NSMCE1: variants seen among roughly 807,000 people sequenced by gnomAD.
NSMCE1 encodes the protein non-structural maintenance of chromosomes element 1 homolog.
In NSMCE1, 18 loss-of-function variants were observed where a neutral mutation model predicts 29.6. The observed-to-expected ratio is 0.61, with a 90% confidence interval of 0.42 to 0.90. NSMCE1 has a LOEUF of 0.90. NSMCE1 is among the 40% of genes least tolerant of loss of function. NSMCE1 has a pLI of 0.00. For synonymous variants in NSMCE1, 124 were observed against 133.4 expected (o/e 0.93, Z 0.49); for missense variants, 314 against 343.6 (o/e 0.91, Z 0.68).
At chr16:27,242,536 G>C (rs571554521) in intron 2 of NSMCE1, among the ~76,000 whole-genome samples, 1 of 152,286 alleles carries the variant, frequency 6.6e-6, no homozygotes, top group East Asian at 1.9e-4. Flanking sequence ...CACCACTGCA[G>C]GAGTGGTGAT....
chr16:27,258,992 C>T (rs1271001400), intron 1 of NSMCE1, among the ~76,000 whole-genome samples: 1 of 152,054 alleles, frequency 6.6e-6, no homozygotes, highest in African/African-American at 2.4e-5. Flanking sequence ...TCAGGCGATC[C>T]ACCTGCCTCA....
intron 1 of NSMCE1, among the ~76,000 whole-genome samples, chr16:27,266,850 A>T (rs1445692124): frequency 6.6e-6 from 1 of 152,036 alleles, no homozygotes; most frequent in Non-Finnish European, 1.5e-5. Flanking sequence ...CCCTAAATTC[A>T]ATGTTTAGAA....
intron 2 of NSMCE1, among the ~76,000 whole-genome samples, chr16:27,235,607 C>T (rs564501833): frequency 6.6e-4 from 101 of 152,304 alleles, no homozygotes; most frequent in Non-Finnish European, 1.1e-3. Flanking sequence ...GAGTCCCAAT[C>T]AGCACCTTCA....
intron 1 of NSMCE1, among the ~76,000 whole-genome samples, chr16:27,257,904 T>C (rs996635657): frequency 6.6e-6 from 1 of 152,180 alleles, no homozygotes; most frequent in Non-Finnish European, 1.5e-5. Context: ...AGAAACGTCC[T>C]CTGCAGAACT....
intron 2 of NSMCE1, among the ~76,000 whole-genome samples, chr16:27,255,646 C>T (rs1044199808): frequency 1.3e-5 from 2 of 152,182 alleles, no homozygotes; most frequent in African/African-American, 2.4e-5. Context: ...TGCTACTCTC[C>T]AGACACTTCA....
At chr16:27,251,207 T>TA (rs58691360) in intron 2 of NSMCE1, among the ~76,000 whole-genome samples, 6 of 70,766 alleles carry the variant, frequency 8.5e-5, no homozygotes, top group Non-Finnish European at 1.5e-4. Flanking sequence ...TATATATATA[T>TA]AAAACTCTGT....
intron 1 of NSMCE1, among the ~76,000 whole-genome samples, chr16:27,258,418 A>C (rs995110168): frequency 1.3e-5 from 2 of 152,262 alleles, no homozygotes; most frequent in Non-Finnish European, 2.9e-5. Flanking sequence ...CCTAATGTGC[A>C]TTTTAACAAT....
At chr16:27,256,155 C>G (rs1291173942) in intron 2 of NSMCE1, among the ~76,000 whole-genome samples, 1 of 152,132 alleles carries the variant, frequency 6.6e-6, no homozygotes, top group Non-Finnish European at 1.5e-5. Flanking sequence ...GCTTGGCTCA[C>G]TTCTATGTCA....
chr16:27,251,727 A>C (rs944897653), intron 2 of NSMCE1, among the ~76,000 whole-genome samples: 7 of 152,204 alleles, frequency 4.6e-5, no homozygotes, highest in Non-Finnish European at 1.0e-4. Flanking sequence ...CACTATTCCC[A>C]GTTCTGTGAA....
intron 2 of NSMCE1, among the ~76,000 whole-genome samples, chr16:27,255,686 C>G (rs577469578): frequency 1.3e-5 from 2 of 152,310 alleles, no homozygotes; most frequent in South Asian, 4.1e-4. Context: ...AACACGCCAC[C>G]TTCTTTTATT....
intron 2 of NSMCE1, among the ~76,000 whole-genome samples, chr16:27,245,568 T>C (rs1048995483): frequency 6.6e-6 from 1 of 152,176 alleles, no homozygotes; most frequent in Non-Finnish European, 1.5e-5. Context: ...CTTGGACACA[T>C]CTAGGCCAGC....
chr16:27,243,313 C>T (rs2083913937), intron 2 of NSMCE1, among the ~76,000 whole-genome samples: 1 of 152,242 alleles, frequency 6.6e-6, no homozygotes, highest in Non-Finnish European at 1.5e-5. Flanking sequence ...TTAATGAGGT[C>T]ACTCTGTTCC....
chr16:27,235,882 C>T (rs529441556), intron 2 of NSMCE1, among the ~76,000 whole-genome samples: 2 of 152,308 alleles, frequency 1.3e-5, no homozygotes, highest in Admixed American at 6.5e-5. Context: ...TGGCTTGCAG[C>T]GAGCCCTCAG....
chr16:27,247,299 T>A (rs1441612368), intron 2 of NSMCE1, among the ~76,000 whole-genome samples: 3 of 152,142 alleles, frequency 2.0e-5, no homozygotes. Context: ...AAGGGTCTTT[T>A]CCCCTTTTGC....
chr16:27,239,056 G>A (rs1233987803), intron 2 of NSMCE1, among the ~76,000 whole-genome samples: 1 of 152,074 alleles, frequency 6.6e-6, no homozygotes, highest in East Asian at 1.9e-4. Flanking sequence ...ATTTTTAGTA[G>A]AGATGGGATT....
At chr16:27,226,041 T>C (rs1036865869) in intron 6 of NSMCE1, 195 bp from the exon 7 acceptor site, 5 of 609,620 alleles carry the variant, frequency 8.2e-6, no homozygotes, top group African/African-American at 7.5e-5. Flanking sequence ...TTGCGGTGGG[T>C]TTTACTAAAC....
intron 2 of NSMCE1, among the ~76,000 whole-genome samples, chr16:27,254,814 C>T (rs1420134405): frequency 7.8e-6 from 1 of 127,870 alleles, no homozygotes; most frequent in Non-Finnish European, 1.6e-5. Flanking sequence ...GACAAGCGTT[C>T]TTATGCACAT....
intron 2 of NSMCE1, among the ~76,000 whole-genome samples, chr16:27,247,870 T>G (rs1042762785): frequency 2.0e-5 from 3 of 150,758 alleles, no homozygotes; most frequent in African/African-American, 7.3e-5. Context: ...GAGGTTGCAG[T>G]GAGCGGAGAT....
chr16:27,238,410 G>T (rs925513593), intron 2 of NSMCE1, among the ~76,000 whole-genome samples: 12 of 152,126 alleles, frequency 7.9e-5, no homozygotes, highest in Non-Finnish European at 1.8e-4. Context: ...GTCCTCCCAT[G>T]GCAGCACTTC....
Sources: allele counts gnomAD v4.1 joint callset (sites outside exome capture counted in the v4.1 genomes callset), GRCh38; gene constraint gnomAD v4.1.1; transcripts MANE v1.5; gene names NCBI Gene and HGNC (gene_info 2026-07-23, HGNC 2026-07-21).